Variants in DLG2 observed in about 807,000 individuals in gnomAD.
DLG2 encodes the protein disks large homolog 2.
Under a neutral mutation model 132.5 loss-of-function variants are expected in DLG2, and 45 were observed. The ratio of observed to expected loss-of-function variants is 0.34; its 90% CI spans 0.27 to 0.44. The LOEUF (loss-of-function observed/expected upper bound fraction) is 0.44, where lower values mean the gene tolerates loss of function less well. DLG2 is among the 20% of genes least tolerant of loss of function. DLG2 has a pLI of 1.00. For synonymous variants in DLG2, 424 were observed against 419.6 expected (o/e 1.01, Z -0.13); for missense variants, 1,045 against 1,196.9 (o/e 0.87, Z 1.87).
At chr11:84,649,632 TG>T (rs1161231359) in intron 6 of DLG2, among the ~76,000 whole-genome samples, 1 of 152,216 alleles carries the variant, frequency 6.6e-6, no homozygotes, top group Non-Finnish European at 1.5e-5. Flanking sequence ...GGGGAAGTTA[TG>T]CAAAAATGTA....
Position 85,479,675 on chromosome 11 carries a change from G to A in DLG2, c.40+118982C>T, listed in dbSNP as rs114854836. On this transcript the variant is annotated intron_variant, in intron 3 of 27. Transcript: ENST00000376104. ...TTTCATATTCATTGAATTGGTTTGC[G>A]AGAACTACAGTAATTAAGTACCTGG... is the stretch of plus-strand genomic sequence containing the variant. Among the ~76,000 whole-genome samples the A allele has an allele frequency of 5.8e-3, 883 of 152,192 alleles. 10 individuals carry two copies. The highest frequency in any genetic ancestry group is 0.021 in the African/African-American group (858 of 41,514).
intron 6 of DLG2, among the ~76,000 whole-genome samples, chr11:84,946,587 T>C (rs998748935): frequency 6.6e-6 from 1 of 151,814 alleles, no homozygotes; most frequent in African/African-American, 2.4e-5. Flanking sequence ...GTATCCAACT[T>C]ACAAGACAAA....
At chr11:83,920,178 C>T (rs2077603566) in intron 15 of DLG2, among the ~76,000 whole-genome samples, 1 of 152,054 alleles carries the variant, frequency 6.6e-6, no homozygotes, top group Non-Finnish European at 1.5e-5. Flanking sequence ...TCCTCTTTAC[C>T]CTCTAAGGTA....
chr11:84,335,690 C>G (rs2154403452), intron 7 of DLG2, among the ~76,000 whole-genome samples: 1 of 152,308 alleles, frequency 6.6e-6, no homozygotes, highest in South Asian at 2.1e-4. Flanking sequence ...CATCATCAAT[C>G]AGCTGTGGGA....
chr11:85,424,104 C>T (rs945599293), intron 3 of DLG2, among the ~76,000 whole-genome samples: 2 of 152,138 alleles, frequency 1.3e-5, no homozygotes, highest in African/African-American at 2.4e-5. Context: ...CTTCGTCTAC[C>T]ACTGTATTTT....
intron 6 of DLG2, among the ~76,000 whole-genome samples, chr11:84,947,689 T>C (rs2050393087): frequency 1.3e-5 from 2 of 152,204 alleles, no homozygotes. Context: ...CATATTTGAG[T>C]GGTCTTCATT....
chr11:83,965,187 G>A, intron 13 of DLG2, 137 bp downstream of exon 13: 1 of 957,538 alleles, frequency 1.0e-6, no homozygotes, highest in Non-Finnish European at 1.5e-6. Flanking sequence ...TAGGAGTGGA[G>A]TTTAGGATAC....
intron 7 of DLG2, among the ~76,000 whole-genome samples, chr11:84,521,555 A>T (rs56749008): frequency 0.014 from 2,179 of 152,246 alleles, 46 homozygotes; most frequent in African/African-American, 0.048. Context: ...TTCCTATTGG[A>T]TATTGCGTTA....
chr11:84,595,449 C>G (rs2099554311), intron 6 of DLG2, among the ~76,000 whole-genome samples: 2 of 149,776 alleles, frequency 1.3e-5, no homozygotes, highest in Non-Finnish European at 3.0e-5. Context: ...TAGTCATTGT[C>G]AGAGCTACCT....
intron 5 of DLG2, among the ~76,000 whole-genome samples, chr11:85,129,966 A>G (rs1245459651): frequency 1.3e-5 from 2 of 152,176 alleles, no homozygotes; most frequent in East Asian, 3.9e-4. Flanking sequence ...ATAGAAAACC[A>G]AACACCACAT....
rs2089488236 is a variant in DLG2 at position 83,459,496 on chromosome 11, A to AAATC, written c.*318_*321dup. 1 of 193,642 alleles carries AAATC rather than the reference A, an allele frequency of 5.2e-6. No homozygotes were observed. Among genetic ancestry groups the AAATC allele is most frequent in the Non-Finnish European group, 1.1e-5 (1 of 94,672 alleles). The allele number at this position is 193,642 out of a possible 1,614,324, so 12.0% of individuals were successfully genotyped here. ...AAAAGACACAGAGAGCTCTGCAGCTAAATCAGCTCTGGACATCTGCTGGGG... is the reference window on the plus strand; with the variant it reads ...AAAAGACACAGAGAGCTCTGCAGCTAAATCAATCAGCTCTGGACATCTGCTGGGG... On this transcript the variant is annotated 3_prime_UTR_variant, in exon 28 of 28. Coordinates refer to ENST00000376104, the MANE Select transcript of DLG2 (RefSeq NM_001142699.3).
At chr11:84,701,961 T>C (rs1005674209) in intron 6 of DLG2, among the ~76,000 whole-genome samples, 1 of 151,616 alleles carries the variant, frequency 6.6e-6, no homozygotes, top group Non-Finnish European at 1.5e-5. Flanking sequence ...TTTCATCCTA[T>C]GAACTCTAAT....
intron 9 of DLG2, among the ~76,000 whole-genome samples, chr11:84,122,043 G>A (rs753701430): frequency 5.9e-5 from 9 of 151,900 alleles, no homozygotes; most frequent in Non-Finnish European, 1.2e-4. Context: ...ATTCTGGGCT[G>A]GGTGCGGTGG....
intron 3 of DLG2, among the ~76,000 whole-genome samples, chr11:85,439,426 C>G (rs1405829696): frequency 6.8e-6 from 1 of 147,828 alleles, no homozygotes; most frequent in Admixed American, 6.9e-5. Flanking sequence ...GTGGCTTGAT[C>G]TCTGCTCACT....
intron 4 of DLG2, among the ~76,000 whole-genome samples, chr11:85,270,495 G>A (rs915188274): frequency 2.0e-5 from 3 of 152,188 alleles, no homozygotes; most frequent in African/African-American, 7.2e-5. Context: ...GGGTGCTGCT[G>A]AAAAGATACC....
chr11:83,691,438 T>A (rs1193418196), intron 18 of DLG2, among the ~76,000 whole-genome samples: 1 of 152,136 alleles, frequency 6.6e-6, no homozygotes, highest in Admixed American at 6.5e-5. Flanking sequence ...CTTTTCATTC[T>A]CCCTCTTCGA....
At chr11:83,729,592 A>C (rs1025418738) in intron 18 of DLG2, among the ~76,000 whole-genome samples, 1 of 152,206 alleles carries the variant, frequency 6.6e-6, no homozygotes, top group Admixed American at 6.5e-5. Flanking sequence ...TAAGTTCTTC[A>C]AACCAGCTGG....
At chr11:84,735,999 T>A (rs1229581921) in intron 6 of DLG2, among the ~76,000 whole-genome samples, 1 of 151,978 alleles carries the variant, frequency 6.6e-6, no homozygotes, top group African/African-American at 2.4e-5. Flanking sequence ...CACAAAGATG[T>A]TCTTCTCTTA....
At chr11:84,733,849 T>G (rs557898370) in intron 6 of DLG2, among the ~76,000 whole-genome samples, 28 of 152,372 alleles carry the variant, frequency 1.8e-4, no homozygotes, top group Non-Finnish European at 3.2e-4. Flanking sequence ...TTCAGCTTTC[T>G]ACATATGGCT....
Sources: allele counts gnomAD v4.1 joint callset (sites outside exome capture counted in the v4.1 genomes callset), GRCh38; gene constraint gnomAD v4.1.1; transcripts MANE v1.5; gene names NCBI Gene and HGNC (gene_info 2026-07-23, HGNC 2026-07-21).